Variants in KIF1B observed in about 807,000 individuals in gnomAD.
The protein encoded by KIF1B is kinesin-like protein KIF1B.
In KIF1B, 76 loss-of-function variants were observed where a neutral mutation model predicts 241.9. The ratio of observed to expected loss-of-function variants is 0.31; its 90% CI spans 0.26 to 0.38. The LOEUF (loss-of-function observed/expected upper bound fraction) is 0.38. Ranked by LOEUF, KIF1B falls within the 10% of genes least tolerant of loss-of-function variation. The probability of loss-of-function intolerance (pLI) is 1.00; values close to 1 mark genes in which losing one functional copy is unlikely to be tolerated. For missense variants in KIF1B, 1,622 were observed against 2,271.4 expected, an observed-to-expected ratio of 0.71 and a Z score of 5.81; for synonymous variants, 750 against 796.7, an observed-to-expected ratio of 0.94 and a Z score of 0.99.
chr1:10,272,489 A>G (rs1270544231), intron 9 of KIF1B, 183 bp downstream of exon 9: 4 of 675,442 alleles, frequency 5.9e-6, no homozygotes, highest in Non-Finnish European at 1.1e-5. Context: ...TACTGAAAGT[A>G]AAAGATACTA....
At chr1:10,289,867 G>A (rs1048193313) in intron 15 of KIF1B, among the ~76,000 whole-genome samples, 1 of 152,154 alleles carries the variant, frequency 6.6e-6, no homozygotes, top group African/African-American at 2.4e-5. Context: ...CTGGATGACA[G>A]AATGAGACTC....
At chr1:10,335,894 T>C (rs1399002031) in intron 28 of KIF1B, among the ~76,000 whole-genome samples, 1 of 152,170 alleles carries the variant, frequency 6.6e-6, no homozygotes, top group Admixed American at 6.5e-5. Flanking sequence ...CAGCCTATGT[T>C]CTGAGGAAAG....
At position 10,308,317 on chromosome 1, in the gene KIF1B, T is replaced by A. The variant is rs1004984200; in HGVS notation, c.2115+11071T>A. 9.1e-5 allele frequency: 96 copies of A among 1,056,988 alleles called. No homozygotes were observed. The African/African-American group carries it at 1.5e-3, about 16-fold the overall frequency. 65.5% of individuals were successfully genotyped at this position (1,056,988 alleles called of 1,614,324 possible). A position where few individuals can be genotyped will look rare whatever the true frequency, so the allele number is the denominator to read the frequency against. On this transcript the variant is annotated intron_variant, in intron 22 of 48. Coordinates refer to ENST00000676179, the MANE Select transcript of KIF1B (RefSeq NM_001365951.3). Reference sequence around the variant, plus strand: ...AATACTGATAATTGTCCAGTTTATGTCATCTTTCCCAGATTTTAAAATCTG... The same window carrying A: ...AATACTGATAATTGTCCAGTTTATGACATCTTTCCCAGATTTTAAAATCTG...
In KIF1B at chr1:10,326,051, G is replaced by C. The variant is rs533096056; in HGVS notation, c.2676-60G>C. The C allele has an allele frequency of 1.2e-6, 2 of 1,608,984 alleles. No individual in the cohort carries two copies. The highest frequency in any genetic ancestry group is 2.7e-5 in the African/African-American group (2 of 74,932). On this transcript the variant is annotated intron_variant, in intron 26 of 48. Transcript: ENST00000676179. This position sits in a 1 kb window ranked among gnomAD's most constrained non-coding sequence, Gnocchi z 5.2. ...GTCCTGTTAGCACCTATTGCTTCCT[G>C]TTTAACCAACTATTCCTCTCTCCCT...
chr1:10,326,471 C>A lies in KIF1B; in HGVS notation c.2924+112C>A. The A allele has an allele frequency of 7.3e-7, 1 of 1,366,666 alleles. No individual in the cohort carries two copies. Among genetic ancestry groups the A allele is most frequent in the Non-Finnish European group, 1.0e-6 (1 of 966,532 alleles). The allele number at this position is 1,366,666 out of a possible 1,614,324, so 84.7% of individuals were successfully genotyped here. On this transcript the variant is annotated intron_variant, in intron 27 of 48. Coordinates refer to ENST00000676179, the MANE Select transcript of KIF1B (RefSeq NM_001365951.3). This position sits in a 1 kb window ranked among gnomAD's most constrained non-coding sequence, Gnocchi z 5.2. Reference sequence around the variant, plus strand: ...CATTAGCCAATTCAACTCATGAATGCTCTTTTTCAAGTTCTCCAATACTTC... The same window carrying A: ...CATTAGCCAATTCAACTCATGAATGATCTTTTTCAAGTTCTCCAATACTTC...
chr1:10,306,858 A>C, intron 22 of KIF1B: 2 of 1,044,850 alleles, frequency 1.9e-6, no homozygotes, highest in Non-Finnish European at 2.3e-6. Context: ...ACTTGAGATA[A>C]CATAGGGTAG....
chr1:10,274,049 G>A (rs151078784), intron 10 of KIF1B, among the ~76,000 whole-genome samples: 2,554 of 149,384 alleles, frequency 0.017, 78 homozygotes, highest in African/African-American at 0.059. Context: ...CGATTGTCCT[G>A]CCTCAGCCTC....
chr1:10,269,842 T>C (rs745662569), intron 7 of KIF1B, among the ~76,000 whole-genome samples: 1 of 152,154 alleles, frequency 6.6e-6, no homozygotes, highest in Non-Finnish European at 1.5e-5. Context: ...ATATTTCTTA[T>C]ATAGATGATC....
rs150049547 is a variant in KIF1B, at chr1:10,278,141, A to G, written c.1180+13A>G. 2 of 1,613,272 alleles carry G rather than the reference A, an allele frequency of 1.2e-6. No homozygotes were observed. The highest frequency in any genetic ancestry group is 4.5e-5 in the East Asian group (2 of 44,846). On this transcript the variant is annotated intron_variant, in intron 13 of 48. Coordinates refer to ENST00000676179, the MANE Select transcript of KIF1B (RefSeq NM_001365951.3). ...GATATTATTGATAGTAAGTGAATTA[A>G]GGATCGTTACAAAATCTAATCCTTT...
Position 10,267,156 on chromosome 1 carries a change from C to G in KIF1B, c.430-224C>G, listed in dbSNP as rs181726725. ...GCCTTAGCCTCCTGAGTAGCTGAGACTACAGGCATGTGCCACCACGCCTGG... is the reference window on the plus strand; with the variant it reads ...GCCTTAGCCTCCTGAGTAGCTGAGAGTACAGGCATGTGCCACCACGCCTGG... On this transcript the variant is annotated intron_variant, in intron 5 of 48. Transcript: ENST00000676179. Among the ~76,000 whole-genome samples the G allele has an allele frequency of 4.2e-4, 64 of 152,176 alleles. 1 individual carries two copies. The East Asian group carries it at 0.012, about 29-fold the overall frequency.
At chr1:10,220,536 A>T (rs1646830952) in intron 1 of KIF1B, among the ~76,000 whole-genome samples, 1 of 152,116 alleles carries the variant, frequency 6.6e-6, no homozygotes, top group South Asian at 2.1e-4. Flanking sequence ...CAGGGCAGTG[A>T]TGCATGCCTA....
chr1:10,268,340 T>G, intron 7 of KIF1B, 77 bp downstream of exon 7: 1 of 971,600 alleles, frequency 1.0e-6, no homozygotes, highest in Non-Finnish European at 1.6e-6. Context: ...GCCCTCTGCT[T>G]TTTGTGGAAG....
At chr1:10,296,103 G>A (rs1650250663) in intron 19 of KIF1B, among the ~76,000 whole-genome samples, 1 of 152,154 alleles carries the variant, frequency 6.6e-6, no homozygotes, top group Non-Finnish European at 1.5e-5. Context: ...CAACCCAGCA[G>A]AATTTATTTT....
intron 1 of KIF1B, among the ~76,000 whole-genome samples, chr1:10,220,409 A>AGATAGATAGATAGAT (rs1553160034): frequency 1.1e-3 from 162 of 150,486 alleles, no homozygotes; most frequent in East Asian, 0.01. Flanking sequence ...ATAGATAGAT[A>AGATAGATAGATAGAT]GATAGATAGA....
intron 25 of KIF1B, 118 bp downstream of exon 25, chr1:10,324,180 T>C (rs1264205330): frequency 6.9e-6 from 7 of 1,007,720 alleles, no homozygotes; most frequent in Non-Finnish European, 1.1e-5. Context: ...TCCCTGTACT[T>C]TCTAAATGCT....
At chr1:10,225,464 T>G (rs2102112868) in intron 1 of KIF1B, among the ~76,000 whole-genome samples, 1 of 152,248 alleles carries the variant, frequency 6.6e-6, no homozygotes, top group Non-Finnish European at 1.5e-5. Context: ...AGACCTTGTC[T>G]GAAAAAAACA....
rs1398973422 is a variant in KIF1B, at chr1:10,377,835, C to T, written c.*1248C>T. Reference sequence around the variant, plus strand: ...CCTGTAATTCCAGCTGCTTGGGAGCCTGAGGCAGGAGAACTGCTTGAACCC... The same window carrying T: ...CCTGTAATTCCAGCTGCTTGGGAGCTTGAGGCAGGAGAACTGCTTGAACCC... On this transcript the variant is annotated 3_prime_UTR_variant, in exon 49 of 49. Coordinates refer to ENST00000676179, the MANE Select transcript of KIF1B (RefSeq NM_001365951.3). 1 of 184,332 alleles carries T rather than the reference C, an allele frequency of 5.4e-6. No individual in the cohort carries two copies. Among genetic ancestry groups the T allele is most frequent in the Non-Finnish European group, 1.1e-5 (1 of 87,090 alleles). 11.4% of individuals were successfully genotyped at this position (184,332 alleles called of 1,614,324 possible).
chr1:10,303,421 G>A lies in KIF1B; in HGVS notation c.2115+6175G>A. On this transcript the variant is annotated intron_variant, in intron 22 of 48. Coordinates refer to ENST00000676179, the MANE Select transcript of KIF1B (RefSeq NM_001365951.3). The surrounding 1 kb of genome is among the most constrained non-coding windows in gnomAD (Gnocchi z 5.2). ...TCAGGCTGTCAAAGAGATTTGCTAT[G>A]AGGTTGCTCTCAATGACTTCAGGCA... 1 of 1,614,208 alleles carries A rather than the reference G, an allele frequency of 6.2e-7. No individual in the cohort carries two copies. Among genetic ancestry groups the A allele is most frequent in the African/African-American group, 1.3e-5 (1 of 75,044 alleles).
intron 18 of KIF1B, 30 bp downstream of exon 18, chr1:10,295,195 G>C (rs186502555): frequency 7.5e-7 from 1 of 1,326,090 alleles, no homozygotes; most frequent in Non-Finnish European, 1.1e-6. Flanking sequence ...TGGTCACTTC[G>C]TGTGTTTTCC....
Sources: allele counts gnomAD v4.1 joint callset (sites outside exome capture counted in the v4.1 genomes callset), GRCh38; gene constraint gnomAD v4.1.1; non-coding constraint Gnocchi (gnomAD v3.1); transcripts MANE v1.5; gene names NCBI Gene and HGNC (gene_info 2026-07-23, HGNC 2026-07-21).